The following NUP58 variants were observed in gnomAD, a reference collection of about 807,000 sequenced individuals.
NUP58 encodes the protein nucleoporin 58.
A neutral mutation model predicts 70.1 loss-of-function variants in NUP58; 17 were observed. The observed-to-expected ratio is 0.24, with a 90% CI of 0.17 to 0.36. The LOEUF (loss-of-function observed/expected upper bound fraction) is 0.36. NUP58 is among the 10% of genes least tolerant of loss of function. The pLI, the probability that NUP58 is intolerant of heterozygous loss-of-function variation, is 1.00. For synonymous variants in NUP58, 275 were observed against 257.6 expected, an observed-to-expected ratio of 1.07 and a Z score of -0.65; for missense variants, 644 against 701.5, an observed-to-expected ratio of 0.92 and a Z score of 0.93.
At chr13:25,311,866 T>C (rs2030686391) in intron 3 of NUP58, among the ~76,000 whole-genome samples, 1 of 152,116 alleles carries the variant, frequency 6.6e-6, no homozygotes, top group South Asian at 2.1e-4. Flanking sequence ...TTGTAACTAA[T>C]GGAGTACAGG....
intron 1 of NUP58, chr13:25,303,205 C>T: frequency 2.4e-6 from 1 of 417,144 alleles, no homozygotes; most frequent in South Asian, 1.7e-5. Context: ...CATTACCCGC[C>T]ATCGTTAGAA....
intron 3 of NUP58, among the ~76,000 whole-genome samples, chr13:25,312,245 G>C (rs2030704986): frequency 6.6e-6 from 1 of 152,190 alleles, no homozygotes; most frequent in Non-Finnish European, 1.5e-5. Flanking sequence ...GTTATTGATA[G>C]AGTATTAGAG....
intron 13 of NUP58, chr13:25,335,672 T>C: frequency 1.0e-6 from 1 of 985,278 alleles, no homozygotes; most frequent in Non-Finnish European, 1.2e-6. Context: ...AAGTCCAGTT[T>C]CTGTCCCAGT....
downstream of NUP58, among the ~76,000 whole-genome samples, chr13:25,343,839 A>G (rs188528656): frequency 1.6e-4 from 24 of 148,262 alleles, no homozygotes; most frequent in African/African-American, 5.9e-4. Context: ...ACATATATAT[A>G]TACGCACACA....
rs1224327970 is a variant in NUP58 at position 25,301,807 on chromosome 13, C to G, written c.34C>G (p.Leu12Val). 8 of 1,613,514 alleles carry G rather than the reference C, an allele frequency of 5.0e-6. No individual in the cohort carries two copies. The highest frequency in any genetic ancestry group is 1.7e-5 in the Admixed American group (1 of 59,954). Residue 12 changes from leucine (L) to valine (V), a missense_variant, in exon 1 of 16, where the codon CTG becomes GTG. Leu to Val is a conservative substitution (Grantham distance 32). Around this residue, in one of 4 missense-constraint regions of NUP58, gnomAD observed 430 missense variants for 409.2 expected, o/e 1.05. Transcript: ENST00000381736. Reference protein sequence around the residue: ...STGFSFGSGTLGSTTVAAGGT... With the variant: ...STGFSFGSGTVGSTTVAAGGT... The stretch of plus-strand genomic sequence containing the variant: ...AGGGTTCTCCTTCGGGTCCGGGACT[C>G]TGGGCTCCACCACCGTGGCCGCCGG...
downstream of NUP58, among the ~76,000 whole-genome samples, chr13:25,344,328 CT>C (rs1466899504): frequency 6.6e-6 from 1 of 152,162 alleles, no homozygotes; most frequent in Non-Finnish European, 1.5e-5. Flanking sequence ...TAGACTTCAG[CT>C]TTATCCTCTA....
downstream of NUP58, among the ~76,000 whole-genome samples, chr13:25,345,102 A>T (rs1471715155): frequency 6.6e-6 from 1 of 152,236 alleles, no homozygotes; most frequent in Non-Finnish European, 1.5e-5. Flanking sequence ...GGTACCACTC[A>T]GCATTTTATA....
chr13:25,334,059 A>G lies in NUP58; in HGVS notation c.1435+2501A>G, dbSNP rs2031701292. ...TCCTTCAATTTTTTTTTTAATGAAA[A>G]AGTATACTAGGGCTTAGGCATGTGT... On this transcript the variant is annotated intron_variant, in intron 13 of 15. Coordinates refer to ENST00000381736, the MANE Select transcript of NUP58 (RefSeq NM_014089.4). The G allele has an allele frequency of 4.1e-6, 4 of 985,278 alleles. No homozygotes were observed. In the South Asian group the frequency reaches 1.9e-4, roughly 46 times the overall value. The allele number at this position is 985,278 out of a possible 1,614,324, so 61.0% of individuals were successfully genotyped here.
intron 11 of NUP58, 115 bp from the exon 12 acceptor site, chr13:25,327,315 A>G: frequency 3.2e-6 from 2 of 615,656 alleles, no homozygotes; most frequent in East Asian, 5.8e-5. Context: ...ACGTTGATAG[A>G]GTTTTTTTCT....
At position 25,331,715 on chromosome 13, in the gene NUP58, C is replaced by T. The variant is rs112682431; in HGVS notation, c.1435+157C>T. ...TGTGATGGACACGATTATAAACATA[C>T]CTGATAAAAAAGGCAGGGTAGTCTT... On this transcript the variant is annotated intron_variant, in intron 13 of 15. Transcript: ENST00000381736. 4 of 1,434,620 alleles carry T rather than the reference C, an allele frequency of 2.8e-6. No individual in the cohort carries two copies. In the African/African-American group the frequency reaches 4.3e-5, roughly 15 times the overall value. 88.9% of individuals were successfully genotyped at this position (1,434,620 alleles called of 1,614,324 possible). A position where few individuals can be genotyped will look rare whatever the true frequency, so the allele number is the denominator to read the frequency against.
chr13:25,313,890 G>T, intron 5 of NUP58, 139 bp downstream of exon 5: 2 of 591,704 alleles, frequency 3.4e-6, no homozygotes, highest in South Asian at 3.5e-5. Context: ...TAAAATGATG[G>T]TTTTCATACA....
chr13:25,328,395 CTTTTT>C (rs397851817), intron 12 of NUP58, among the ~76,000 whole-genome samples: 1 of 91,974 alleles, frequency 1.1e-5, no homozygotes. Flanking sequence ...CTGACTCTCG[CTTTTT>C]TTTTTTTTTT....
intron 6 of NUP58, chr13:25,317,828 A>G (rs1487131209): frequency 1.3e-5 from 2 of 151,878 alleles, no homozygotes; most frequent in Non-Finnish European, 2.9e-5. Context: ...GTGCAGAGGT[A>G]AAAGGTAAAT....
chr13:25,328,395 C>CTT (rs397851817), intron 12 of NUP58, among the ~76,000 whole-genome samples: 2 of 91,978 alleles, frequency 2.2e-5, no homozygotes, highest in African/African-American at 6.9e-5. Context: ...CTGACTCTCG[C>CTT]TTTTTTTTTT....
chr13:25,335,429 A>G (rs1000107024), intron 13 of NUP58: 3 of 985,288 alleles, frequency 3.0e-6, no homozygotes, highest in Admixed American at 1.2e-4. Flanking sequence ...TCTCAATGTT[A>G]AAGAACTGGA....
chr13:25,323,835 T>C (rs952900734), intron 9 of NUP58, among the ~76,000 whole-genome samples: 2 of 152,208 alleles, frequency 1.3e-5, no homozygotes, highest in Non-Finnish European at 2.9e-5. Flanking sequence ...AGATCTGTTA[T>C]GTGCCAGGTG....
At chr13:25,349,494 G>A (rs2137858521) in intron 3 of NUP58, 1 of 152,662 alleles carries the variant, frequency 6.6e-6, no homozygotes, top group South Asian at 2.1e-4. Context: ...TATATTCCTG[G>A]TGTAAGCTAA....
At position 25,307,885 on chromosome 13, in the gene NUP58, T is replaced by G. The variant is rs1427289090; in HGVS notation, c.187T>G (p.Phe63Val). The change falls in exon 2 of 16, where the codon TTT (phenylalanine) becomes GTT (valine). Residue 63 changes from phenylalanine (F) to valine (V), a missense_variant. By Grantham distance (50) the Phe-to-Val change is conservative. Around this residue, in one of 4 missense-constraint regions of NUP58, gnomAD observed 430 missense variants for 409.2 expected, o/e 1.05. Transcript: ENST00000381736. ...PATTSAPSSG[F>V]GTGLFGSKPA... ...AACTACATCTGCTCCTTCAAGTGGT[T>G]TTGGAACCGGGCTCTTTGGATCTAA... 1 of 1,614,168 alleles carries G rather than the reference T, an allele frequency of 6.2e-7. No individual in the cohort carries two copies. Among genetic ancestry groups the G allele is most frequent in the Admixed American group, 1.7e-5 (1 of 60,028 alleles).
At chr13:25,323,412 A>G (rs1440152043) in intron 9 of NUP58, among the ~76,000 whole-genome samples, 1 of 151,970 alleles carries the variant, frequency 6.6e-6, no homozygotes, top group Non-Finnish European at 1.5e-5. Context: ...CATGCTCACC[A>G]GGTCAAAGGG....
Sources: allele counts gnomAD v4.1 joint callset (sites outside exome capture counted in the v4.1 genomes callset), GRCh38; gene constraint gnomAD v4.1.1; regional missense constraint gnomAD v4.1.1; transcripts MANE v1.5; gene names NCBI Gene and HGNC (gene_info 2026-07-23, HGNC 2026-07-21).